NSD1: variants seen among roughly 807,000 people sequenced by gnomAD.
NSD1 encodes nuclear receptor binding SET domain protein 1.
A neutral mutation model predicts 242.7 loss-of-function variants in NSD1; 26 were observed. The observed-to-expected ratio is 0.11, with a 90% confidence interval of 0.08 to 0.15. The LOEUF (loss-of-function observed/expected upper bound fraction) is 0.15. NSD1 is among the 10% of genes least tolerant of loss of function. The pLI is 1.00. For synonymous variants in NSD1, 1,106 were observed against 1,178.1 expected (o/e 0.94, Z 1.25); for missense variants, 2,495 against 3,272.8 (o/e 0.76, Z 5.80).
At chr5:177,187,100 C>CTTTTT (rs11285630) in intron 2 of NSD1, among the ~76,000 whole-genome samples, 4 of 76,526 alleles carry the variant, frequency 5.2e-5, no homozygotes, top group Non-Finnish European at 7.0e-5. Flanking sequence ...TGTGACTTAA[C>CTTTTT]TTTTTTTTTT....
intron 2 of NSD1, among the ~76,000 whole-genome samples, chr5:177,173,149 G>A (rs1252935259): frequency 1.3e-5 from 2 of 151,336 alleles, no homozygotes; most frequent in East Asian, 2.0e-4. Context: ...AAAATTAGCC[G>A]GGCGTGGTGG....
Position 177,280,885 on chromosome 5 carries a change from A to G in NSD1, c.5892+51A>G, listed in dbSNP as rs751951371. 1.2e-5 allele frequency: 19 copies of G among 1,570,946 alleles called. No homozygotes were observed. The South Asian group carries it at 1.9e-4, about 16-fold the overall frequency. On this transcript the variant is annotated intron_variant, in intron 18 of 22. Transcript: ENST00000439151. ...ACTTTCTCCTCTTTGCAGTTGCTTG[A>G]TATCATTGATCCTTGACATTAGAAA... is the stretch of plus-strand genomic sequence containing the variant.
At chr5:177,282,693 T>C in intron 19 of NSD1, 112 bp downstream of exon 19, 1 of 857,120 alleles carries the variant, frequency 1.2e-6, no homozygotes, top group East Asian at 2.4e-5. Flanking sequence ...TCTTTTCCCA[T>C]ACCCATTGGG....
chr5:177,263,481 C>T (rs1397997232), intron 14 of NSD1, among the ~76,000 whole-genome samples: 2 of 152,200 alleles, frequency 1.3e-5, no homozygotes, highest in African/African-American at 4.8e-5. Flanking sequence ...AAGCAGTCAT[C>T]GTGTTCTGTA....
intron 13 of NSD1, among the ~76,000 whole-genome samples, chr5:177,258,084 G>A (rs1224408543): frequency 1.4e-5 from 2 of 145,640 alleles, no homozygotes; most frequent in Admixed American, 1.4e-4. Flanking sequence ...GGGTTCAAGC[G>A]ATTCTCCTGT....
chr5:177,293,707 C>T (rs992015670), intron 22 of NSD1, 125 bp from the exon 23 acceptor site: 2 of 1,030,052 alleles, frequency 1.9e-6, no homozygotes, highest in Admixed American at 1.9e-5. Flanking sequence ...GTGGCATAAG[C>T]TCTCTGAAGC....
intron 17 of NSD1, among the ~76,000 whole-genome samples, chr5:177,275,385 G>A (rs1268971885): frequency 7.2e-6 from 1 of 138,196 alleles, no homozygotes; most frequent in Non-Finnish European, 1.5e-5. Flanking sequence ...AAGTGTGACA[G>A]TTTCAGTATT....
rs143868375 is a variant in NSD1 at position 177,269,573 on chromosome 5, G to A, written c.5304-29G>A. 6.2e-7 allele frequency: 1 copy of A among 1,608,348 alleles called. No homozygotes were observed. Among genetic ancestry groups the A allele is most frequent in the African/African-American group, 1.3e-5 (1 of 74,768 alleles). On this transcript the variant is annotated intron_variant, in intron 15 of 22. Transcript: ENST00000439151. The surrounding 1 kb of genome is among the most constrained non-coding windows in gnomAD (Gnocchi z 5.1). ...CCTAATGCCTTGCAGCCTTCTAGAG[G>A]TTTTCCTTCTCCTTTTCACCTTTCC... is the stretch of plus-strand genomic sequence containing the variant.
intron 2 of NSD1, among the ~76,000 whole-genome samples, chr5:177,186,688 C>T (rs1255893439): frequency 1.3e-5 from 2 of 152,120 alleles, no homozygotes; most frequent in Non-Finnish European, 2.9e-5. Flanking sequence ...ACGTCACTGT[C>T]AGTGAAATAA....
intron 2 of NSD1, among the ~76,000 whole-genome samples, chr5:177,150,029 C>T (rs868510669): frequency 6.6e-6 from 1 of 152,120 alleles, no homozygotes. Flanking sequence ...CTCTGCCTCC[C>T]AAGTTCAAGT....
chr5:177,166,758 T>C (rs1034243502), intron 2 of NSD1, among the ~76,000 whole-genome samples: 4 of 151,324 alleles, frequency 2.6e-5, no homozygotes, highest in Non-Finnish European at 5.9e-5. Flanking sequence ...TTTTTTTTTT[T>C]TTCCCTGAGA....
At chr5:177,195,276 A>T (rs1243114437) in intron 3 of NSD1, among the ~76,000 whole-genome samples, 1 of 152,034 alleles carries the variant, frequency 6.6e-6, no homozygotes, top group Non-Finnish European at 1.5e-5. Context: ...TGAGCCTAGG[A>T]GTTTGAGACC....
intron 3 of NSD1, among the ~76,000 whole-genome samples, chr5:177,200,879 A>G (rs558986394): frequency 6.6e-6 from 1 of 151,770 alleles, no homozygotes; most frequent in East Asian, 1.9e-4. Context: ...TAAACATTGT[A>G]TAGTATCTGG....
chr5:177,143,273 A>G (rs1756970693), intron 2 of NSD1, among the ~76,000 whole-genome samples: 1 of 151,580 alleles, frequency 6.6e-6, no homozygotes, highest in Non-Finnish European at 1.5e-5. Flanking sequence ...CTAATATCTC[A>G]TGCATTAATT....
intron 8 of NSD1, among the ~76,000 whole-genome samples, chr5:177,240,736 A>G (rs1371355554): frequency 1.3e-5 from 2 of 151,828 alleles, no homozygotes; most frequent in Non-Finnish European, 2.9e-5. Context: ...ATCTATTGTG[A>G]TGGCTCAAGC....
chr5:177,149,236 G>A lies in NSD1; in HGVS notation c.927+13206G>A, dbSNP rs184266125. Among the ~76,000 whole-genome samples, 4 of 140,918 alleles carry A rather than the reference G, an allele frequency of 2.8e-5. No individual in the cohort carries two copies. In the East Asian group the frequency reaches 6.1e-4, roughly 21 times the overall value. 92.4% of individuals were successfully genotyped at this position (140,918 alleles called of 152,430 possible). A position where few individuals can be genotyped will look rare whatever the true frequency, so the allele number is the denominator to read the frequency against. ...CTCATTATGTTTTGTTTTTTTTTTT[G>A]AGACGGAATGTTGCTCTTGTTGCCC... On this transcript the variant is annotated intron_variant, in intron 2 of 22. Transcript: ENST00000439151.
At position 177,203,598 on chromosome 5, in the gene NSD1, A is replaced by G. The variant is rs1212918914; in HGVS notation, c.1064-522A>G. On this transcript the variant is annotated intron_variant, in intron 3 of 22. Transcript: ENST00000439151. ...TGGTTGTGGGGAGGAATCCATGCAA[A>G]GCACCTTGTGTGGTGCTCGTCTATG... is the stretch of plus-strand genomic sequence containing the variant. Among the ~76,000 whole-genome samples, 3 of 152,202 alleles carry G rather than the reference A, an allele frequency of 2.0e-5. No homozygotes were observed. The East Asian group carries it at 5.8e-4, about 29-fold the overall frequency.
rs530690161 is a variant in NSD1 at position 177,246,216 on chromosome 5, G to A, written c.4379-462G>A. Among the ~76,000 whole-genome samples, 277 of 150,282 alleles carry A rather than the reference G, an allele frequency of 1.8e-3. 6 individuals carry two copies. Among genetic ancestry groups the A allele is most frequent in the Admixed American group, 0.018 (273 of 15,088 alleles). ...AATTCCTGACCTCATGTGATCTGCC[G>A]GCCTCAGCCTCTCAAAGTGCTGGGA... On this transcript the variant is annotated intron_variant, in intron 9 of 22. Transcript: ENST00000439151.
chr5:177,155,887 G>A (rs1198185402), intron 2 of NSD1, among the ~76,000 whole-genome samples: 2 of 148,976 alleles, frequency 1.3e-5, no homozygotes, highest in African/African-American at 2.5e-5. Flanking sequence ...TGTAATTTTG[G>A]TAGAGACAGG....
Sources: allele counts gnomAD v4.1 joint callset (sites outside exome capture counted in the v4.1 genomes callset), GRCh38; gene constraint gnomAD v4.1.1; non-coding constraint Gnocchi (gnomAD v3.1); transcripts MANE v1.5; gene names NCBI Gene and HGNC (gene_info 2026-07-23, HGNC 2026-07-21).